CATSPER1: variants seen among roughly 807,000 people sequenced by gnomAD.
CATSPER1 encodes cation channel sperm associated 1.
CATSPER1 carries 57 observed loss-of-function variants against 72.7 expected under a neutral mutation model. The ratio of observed to expected loss-of-function variants is 0.78; its 90% confidence interval spans 0.63 to 0.98. CATSPER1 has a LOEUF of 0.98. Among genes scored for constraint, CATSPER1 ranks in the 50% least tolerant of loss-of-function variants. The probability of loss-of-function intolerance (pLI) is 0.00; values close to 1 mark genes in which losing one functional copy is unlikely to be tolerated. For synonymous variants in CATSPER1, 363 were observed against 403.0 expected, an observed-to-expected ratio of 0.90 and a Z score of 1.19; for missense variants, 910 against 1,033.9, an observed-to-expected ratio of 0.88 and a Z score of 1.64.
chr11:66,023,270 G>C (rs1856416212), intron 1 of CATSPER1, among the ~76,000 whole-genome samples: 1 of 152,102 alleles, frequency 6.6e-6, no homozygotes. Flanking sequence ...TTGTATTTTT[G>C]GTAGAAACAG....
chr11:66,026,232 C>A lies in CATSPER1; in HGVS notation c.148G>T (p.Val50Leu). 1 of 1,613,036 alleles carries A rather than the reference C, an allele frequency of 6.2e-7. No homozygotes were observed. The highest frequency in any genetic ancestry group is 8.5e-7 in the Non-Finnish European group (1 of 1,179,068). The change falls in exon 1 of 12, where the codon GTG becomes TTG. Residue 50 changes from valine (V) to leucine (L), a missense_variant. By Grantham distance (32) the Val-to-Leu change is conservative. Coordinates refer to ENST00000312106, the MANE Select transcript of CATSPER1 (RefSeq NM_053054.4). ...LHHYELHHHG[V>L]PHQRGESHHP... ...TGAGATTCACCACGTTGGTGGGGCACGCCGTGATGGTGCAACTCGTAATGG... is the reference window on the plus strand; with the variant it reads ...TGAGATTCACCACGTTGGTGGGGCAAGCCGTGATGGTGCAACTCGTAATGG...
chr11:66,021,244 GC>G, intron 4 of CATSPER1, 59 bp from the exon 5 acceptor site: 1 of 1,511,866 alleles, frequency 6.6e-7, no homozygotes. Context: ...GTGTGTCTCT[GC>G]CCAGCAGCCA....
intron 4 of CATSPER1, 131 bp from the exon 5 acceptor site, chr11:66,021,316 C>A: frequency 8.2e-7 from 1 of 1,214,368 alleles, no homozygotes. Context: ...GTCCTGGCCC[C>A]TCTCTGGAAA....
chr11:66,018,682 G>T, intron 10 of CATSPER1, 145 bp downstream of exon 10: 1 of 856,162 alleles, frequency 1.2e-6, no homozygotes, highest in Non-Finnish European at 1.9e-6. Flanking sequence ...GGGTCTCCTC[G>T]TTGCACCCAC....
rs770416620 is a variant in CATSPER1 at position 66,017,113 on chromosome 11, TCTG to T, written c.2260_2262del (p.Gln754del). On this transcript the variant is annotated inframe_deletion, in exon 11 of 12. Coordinates refer to ENST00000312106, the MANE Select transcript of CATSPER1 (RefSeq NM_053054.4). ...ATGACGGCTGCCTGGGAGCGGAACT[TCTG>T]CTGCTCCTGCTCCACGCTTGCCACC... is the stretch of plus-strand genomic sequence containing the variant. 18 of 1,593,776 alleles carry T rather than the reference TCTG, an allele frequency of 1.1e-5. No individual in the cohort carries two copies. Among genetic ancestry groups the T allele is most frequent in the African/African-American group, 2.7e-5 (2 of 73,800 alleles).
At position 66,026,198 on chromosome 11, in the gene CATSPER1, G is replaced by T; in HGVS notation, c.182C>A (p.Pro61Gln). The change falls in exon 1 of 12, where the codon CCG becomes CAG. Residue 61 changes from proline (P) to glutamine (Q), a missense_variant. Physicochemically the swap from Pro to Gln is moderately conservative, Grantham distance 76. Transcript: ENST00000312106. ...TTGGTCGTGGAAGTCTTGGAACTCC[G>T]GAGGGTGGTGAGATTCACCACGTTG... is the stretch of plus-strand genomic sequence containing the variant. ...PHQRGESHHP[P>Q]EFQDFHDQAL... is the part of the protein sequence containing the mutation. 1 of 1,609,178 alleles carries T rather than the reference G, an allele frequency of 6.2e-7. No homozygotes were observed. The highest frequency in any genetic ancestry group is 8.5e-7 in the Non-Finnish European group (1 of 1,175,882).
At chr11:66,019,482 G>A (rs1477527444) in intron 9 of CATSPER1, among the ~76,000 whole-genome samples, 1 of 151,876 alleles carries the variant, frequency 6.6e-6, no homozygotes, top group Non-Finnish European at 1.5e-5. Context: ...TCACCATGTT[G>A]GCCAGACTGG....
chr11:66,018,967 T>G, intron 9 of CATSPER1, 65 bp from the exon 10 acceptor site: 1 of 1,376,778 alleles, frequency 7.3e-7, no homozygotes, highest in Non-Finnish European at 1.0e-6. Flanking sequence ...AGGAACCCCA[T>G]GTGTCAGGAA....
chr11:66,018,914 G>A lies in CATSPER1; in HGVS notation c.2126-12C>T, dbSNP rs1856295715. 1.9e-6 allele frequency: 3 copies of A among 1,609,366 alleles called. No homozygotes were observed. Among genetic ancestry groups the A allele is most frequent in the Admixed American group, 1.7e-5 (1 of 59,982 alleles). ...CACCTCTTTGGGCTCTGGATGTAGA[G>A]AAAGAAGGGTGAGGTCAAGGCCTGG... On this transcript the variant is annotated splice_polypyrimidine_tract_variant and intron_variant, in intron 9 of 11. Transcript: ENST00000312106.
In CATSPER1 at chr11:66,023,060, G is replaced by A. The variant is rs761360207; in HGVS notation, c.1218C>T (p.Thr406=). The change falls in exon 2 of 12, where the codon ACC becomes ACT. Residue 406 remains threonine, a splice_region_variant and synonymous_variant. Transcript: ENST00000312106. ...KEEGQFQKRK[T]GRLQRTRKKG... is the part of the protein sequence containing the mutation. ...TCTTGCGGGTCCGCTGGAGCCGGCC[G>A]GCTGAAAGGAACAGGGCCAGAAAGT... is the stretch of plus-strand genomic sequence containing the variant. 4 of 1,613,848 alleles carry A rather than the reference G, an allele frequency of 2.5e-6. No individual in the cohort carries two copies. In the East Asian group the frequency reaches 8.9e-5, roughly 36 times the overall value.
chr11:66,023,139 G>T, intron 1 of CATSPER1, 78 bp from the exon 2 acceptor site: 1 of 1,349,434 alleles, frequency 7.4e-7, no homozygotes, highest in Non-Finnish European at 1.1e-6. Flanking sequence ...GCCTGGCTCA[G>T]CGTCCATGGT....
Position 66,020,647 on chromosome 11 carries a change from G to A in CATSPER1, c.1928-20C>T. On this transcript the variant is annotated intron_variant, in intron 6 of 11. Transcript: ENST00000312106. This position sits in a 1 kb window ranked among gnomAD's most constrained non-coding sequence, Gnocchi z 4.5. ...AGGCGCCTAGGGGGAGCAGGCCAGA[G>A]GGCACAGTCAGGCTGTGCTCGCCAC... 1.2e-6 allele frequency: 2 copies of A among 1,609,606 alleles called. No homozygotes were observed. Among genetic ancestry groups the A allele is most frequent in the South Asian group, 2.2e-5 (2 of 90,512 alleles).
At chr11:66,021,951 T>A (rs747741076) in intron 2 of CATSPER1, 72 bp from the exon 3 acceptor site, 2 of 1,179,902 alleles carry the variant, frequency 1.7e-6, no homozygotes, top group Non-Finnish European at 2.5e-6. Context: ...AGCATTAGCC[T>A]CACACAAGCC....
intron 1 of CATSPER1, among the ~76,000 whole-genome samples, 161 bp from the exon 2 acceptor site, chr11:66,023,222 TG>T (rs941446658): frequency 6.6e-6 from 1 of 152,212 alleles, no homozygotes; most frequent in Non-Finnish European, 1.5e-5. Context: ...CCCAAGTAGC[TG>T]GGACTGCAGG....
Position 66,022,957 on chromosome 11 carries a change from G to A in CATSPER1, c.1321C>T (p.Arg441Trp), listed in dbSNP as rs769495420. 47 of 1,614,124 alleles carry A rather than the reference G, an allele frequency of 2.9e-5. No homozygotes were observed. Among genetic ancestry groups the A allele is most frequent in the East Asian group, 6.7e-5 (3 of 44,900 alleles). Reference protein sequence around the residue: ...FLIQGFREMIRNLTQSLAFET... With the variant: ...FLIQGFREMIWNLTQSLAFET... ...AAGGCCAAGGATTGGGTCAGGTTCC[G>A]GATCATTTCCCGGAAGCCCTGAATG... Residue 441 changes from arginine (R) to tryptophan (W), a missense_variant, in exon 2 of 12, where the codon CGG (arginine) becomes TGG (tryptophan). Transcript: ENST00000312106.
rs928590431 is a variant in CATSPER1, at chr11:66,021,620, C to G, written c.1567G>C (p.Val523Leu). The G allele has an allele frequency of 6.2e-7, 1 of 1,608,580 alleles. No homozygotes were observed. Among genetic ancestry groups the G allele is most frequent in the South Asian group, 1.1e-5 (1 of 90,352 alleles). The change falls in exon 4 of 12, where the codon GTG becomes CTG. Residue 523 changes from valine to leucine, a missense_variant. By Grantham distance (32) the Val-to-Leu change is conservative. Coordinates refer to ENST00000312106, the MANE Select transcript of CATSPER1 (RefSeq NM_053054.4). Reference sequence around the variant, plus strand: ...GTCTGCATCAGCAAGAAGTCCAGCACGGCCATGGCCATAATGAAGAAGTCT... The same window carrying G: ...GTCTGCATCAGCAAGAAGTCCAGCAGGGCCATGGCCATAATGAAGAAGTCT... ...NLDFFIMAMA[V>L]LDFLLMQTHS...
intron 2 of CATSPER1, 78 bp from the exon 3 acceptor site, chr11:66,021,957 AAGCCCAG>A: frequency 9.1e-7 from 1 of 1,099,672 alleles, no homozygotes; most frequent in Non-Finnish European, 1.4e-6. Context: ...AGCCTCACAC[AAGCCCAG>A]ATTCCCAGGC....
In CATSPER1 at chr11:66,020,411, T is replaced by C; in HGVS notation, c.1992-22A>G. ...CAGGCTGGGGAGAGGGACAGGGGTG[T>C]GCCCTCAGCGAGGAGGCCAGAGGAG... is the stretch of plus-strand genomic sequence containing the variant. On this transcript the variant is annotated intron_variant, in intron 7 of 11. Coordinates refer to ENST00000312106, the MANE Select transcript of CATSPER1 (RefSeq NM_053054.4). The surrounding 1 kb of genome is among the most constrained non-coding windows in gnomAD (Gnocchi z 4.5). 1 of 1,613,714 alleles carries C rather than the reference T, an allele frequency of 6.2e-7. No homozygotes were observed. The highest frequency in any genetic ancestry group is 8.5e-7 in the Non-Finnish European group (1 of 1,179,832).
At position 66,020,816 on chromosome 11, in the gene CATSPER1, G is replaced by A. The variant is rs768910453; in HGVS notation, c.1922C>T (p.Ala641Val). The part of the protein sequence containing the change: ...DWSLIYMDSR[A>V]QGAWYIIPIL... ...CAGCCTGGGGCCTGCCCTACCCTGG[G>A]CACGGCTGTCCATGTAGATGAGGGA... The change falls in exon 6 of 12, where the codon GCC becomes GTC. Residue 641 changes from alanine (A) to valine (V), a missense_variant. By Grantham distance (64) the Ala-to-Val change is moderately conservative. Coordinates refer to ENST00000312106, the MANE Select transcript of CATSPER1 (RefSeq NM_053054.4). The surrounding 1 kb of genome is among the most constrained non-coding windows in gnomAD (Gnocchi z 4.5). 6.2e-7 allele frequency: 1 copy of A among 1,613,638 alleles called. No individual in the cohort carries two copies. The highest frequency in any genetic ancestry group is 1.1e-5 in the South Asian group (1 of 91,078).
Sources: allele counts gnomAD v4.1 joint callset (sites outside exome capture counted in the v4.1 genomes callset), GRCh38; gene constraint gnomAD v4.1.1; non-coding constraint Gnocchi (gnomAD v3.1); transcripts MANE v1.5; gene names NCBI Gene and HGNC (gene_info 2026-07-23, HGNC 2026-07-21).